The following MAPKAPK2 variants were observed in gnomAD, a reference collection of about 807,000 sequenced individuals.
The protein encoded by MAPKAPK2 is MAPK activated protein kinase 2.
MAPKAPK2 carries 9 observed loss-of-function variants against 48.8 expected under a neutral mutation model. The ratio of observed to expected loss-of-function variants is 0.18; its 90% CI spans 0.11 to 0.32. MAPKAPK2 has a LOEUF of 0.32. Ranked by LOEUF, MAPKAPK2 falls within the 10% of genes least tolerant of loss-of-function variation. MAPKAPK2 has a pLI of 1.00. For missense variants in MAPKAPK2, 331 were observed against 498.3 expected, an observed-to-expected ratio of 0.66 and a Z score of 3.20; for synonymous variants, 202 against 190.6, an observed-to-expected ratio of 1.06 and a Z score of -0.49.
intron 1 of MAPKAPK2, among the ~76,000 whole-genome samples, chr1:206,700,053 T>G (rs1378602498): frequency 6.6e-6 from 1 of 150,446 alleles, no homozygotes; most frequent in African/African-American, 2.4e-5. Context: ...AAAACCATCT[T>G]CCAGAAAATG....
At chr1:206,720,954 T>C (rs562376774) in intron 1 of MAPKAPK2, among the ~76,000 whole-genome samples, 1 of 152,310 alleles carries the variant, frequency 6.6e-6, no homozygotes, top group East Asian at 1.9e-4. Context: ...TAAACTCACT[T>C]TTACATAAAA....
At chr1:206,690,474 G>C (rs2102373324) in intron 1 of MAPKAPK2, among the ~76,000 whole-genome samples, 1 of 152,384 alleles carries the variant, frequency 6.6e-6, no homozygotes, top group African/African-American at 2.4e-5. Context: ...CCAAATATTG[G>C]TGGGTGTCTA....
intron 1 of MAPKAPK2, among the ~76,000 whole-genome samples, chr1:206,703,121 T>C (rs1452086192): frequency 1.3e-5 from 2 of 152,194 alleles, no homozygotes; most frequent in Admixed American, 6.5e-5. Context: ...TTTTCCTGCA[T>C]TGGCATTCTT....
Position 206,731,952 on chromosome 1 carries a change from G to A in MAPKAPK2, c.1059+33G>A, listed in dbSNP as rs782225811. ...GCACCACTGGGTGAGAGGGGCTCCAGGTGGGGTGGGCGGCTTGCGGGGAGT... is the reference window on the plus strand; with the variant it reads ...GCACCACTGGGTGAGAGGGGCTCCAAGTGGGGTGGGCGGCTTGCGGGGAGT... On this transcript the variant is annotated intron_variant, in intron 9 of 9. Transcript: ENST00000367103. The surrounding 1 kb of genome is among the most constrained non-coding windows in gnomAD (Gnocchi z 5.9). 3 of 1,614,156 alleles carry A rather than the reference G, an allele frequency of 1.9e-6. No individual in the cohort carries two copies. Among genetic ancestry groups the A allele is most frequent in the South Asian group, 2.2e-5 (2 of 91,090 alleles).
At chr1:206,690,949 G>A (rs1321407941) in intron 1 of MAPKAPK2, among the ~76,000 whole-genome samples, 3 of 152,218 alleles carry the variant, frequency 2.0e-5, no homozygotes, top group Non-Finnish European at 4.4e-5. Context: ...TCCCTGCACT[G>A]TATCTTTCCA....
intron 1 of MAPKAPK2, among the ~76,000 whole-genome samples, chr1:206,705,021 G>GT (rs1672909193): frequency 6.6e-6 from 1 of 152,150 alleles, no homozygotes; most frequent in African/African-American, 2.4e-5. Flanking sequence ...GTTTAACTTT[G>GT]TTTAACCTGG....
At chr1:206,707,056 G>A (rs1449628135) in intron 1 of MAPKAPK2, among the ~76,000 whole-genome samples, 20 of 152,146 alleles carry the variant, frequency 1.3e-4, no homozygotes, top group African/African-American at 2.7e-4. Flanking sequence ...CTGCAGCCGC[G>A]CTCTTCTCTC....
chr1:206,685,551 G>A, intron 1 of MAPKAPK2, 43 bp downstream of exon 1: 1 of 1,419,450 alleles, frequency 7.0e-7, no homozygotes, highest in Non-Finnish European at 9.3e-7. Context: ...CCGGTCCCGG[G>A]CCCTGGAGCT....
At position 206,730,670 on chromosome 1, in the gene MAPKAPK2, T is replaced by C; in HGVS notation, c.692-18T>C. ...GGTTCTGAGGGCCGGCCCACCCATGTTGACCTTTGATTTGCAGCTCCAGAA... is the reference window on the plus strand; with the variant it reads ...GGTTCTGAGGGCCGGCCCACCCATGCTGACCTTTGATTTGCAGCTCCAGAA... On this transcript the variant is annotated intron_variant, in intron 5 of 9. Transcript: ENST00000367103. 1 of 1,612,512 alleles carries C rather than the reference T, an allele frequency of 6.2e-7. No individual in the cohort carries two copies. Among genetic ancestry groups the C allele is most frequent in the East Asian group, 2.2e-5 (1 of 44,858 alleles).
chr1:206,720,009 G>A (rs1553431008), intron 1 of MAPKAPK2, among the ~76,000 whole-genome samples: 1 of 152,162 alleles, frequency 6.6e-6, no homozygotes, highest in East Asian at 1.9e-4. Flanking sequence ...ACCAGTGTGT[G>A]GCACATGCTA....
chr1:206,717,364 A>G (rs1394601317), intron 1 of MAPKAPK2, among the ~76,000 whole-genome samples: 3 of 152,216 alleles, frequency 2.0e-5, no homozygotes, highest in East Asian at 1.9e-4. Flanking sequence ...TGCGGTTGAA[A>G]TGAAAATTCC....
chr1:206,699,357 C>T (rs1672728895), intron 1 of MAPKAPK2, among the ~76,000 whole-genome samples: 1 of 152,142 alleles, frequency 6.6e-6, no homozygotes, highest in South Asian at 2.1e-4. Context: ...GGATCACTGC[C>T]TGGCATGGGC....
intron 1 of MAPKAPK2, among the ~76,000 whole-genome samples, chr1:206,692,671 G>A (rs542345317): frequency 1.3e-5 from 2 of 152,342 alleles, no homozygotes; most frequent in South Asian, 4.1e-4. Flanking sequence ...CCCAAGGTCA[G>A]CCCATATTTG....
At chr1:206,730,174 G>A in intron 5 of MAPKAPK2, 76 bp downstream of exon 5, 1 of 1,572,916 alleles carries the variant, frequency 6.4e-7, no homozygotes, top group Admixed American at 1.7e-5. Flanking sequence ...CTATCTGGGG[G>A]GCCGCAAATC....
chr1:206,720,491 G>A (rs782715467), intron 1 of MAPKAPK2, among the ~76,000 whole-genome samples: 1 of 152,224 alleles, frequency 6.6e-6, no homozygotes, highest in South Asian at 2.1e-4. Flanking sequence ...AGCTGGGATT[G>A]CTTACAGGTG....
intron 1 of MAPKAPK2, among the ~76,000 whole-genome samples, chr1:206,707,502 A>C (rs1037918044): frequency 6.6e-6 from 1 of 152,138 alleles, no homozygotes; most frequent in African/African-American, 2.4e-5. Flanking sequence ...GAAATTGGGG[A>C]GGATTCTCTG....
chr1:206,712,491 TTTTTTGTTG>T (rs1274616203), intron 1 of MAPKAPK2, among the ~76,000 whole-genome samples: 1 of 151,808 alleles, frequency 6.6e-6, no homozygotes, highest in African/African-American at 2.4e-5. Context: ...GAAGATGGGT[TTTTTTGTTG>T]TTGTTGTTGT....
chr1:206,691,504 T>TATATACAC (rs1424297313), intron 1 of MAPKAPK2, among the ~76,000 whole-genome samples: 5 of 112,164 alleles, frequency 4.5e-5, no homozygotes, highest in Non-Finnish European at 9.9e-5. Flanking sequence ...TATATATATA[T>TATATACAC]ACACACATAC....
At chr1:206,730,830 A>G (rs570585561) in intron 6 of MAPKAPK2, 67 bp downstream of exon 6, 1 of 1,516,796 alleles carries the variant, frequency 6.6e-7, no homozygotes, top group East Asian at 2.3e-5. Context: ...CTCCAGGACA[A>G]GAGGAAGAGG....
Sources: gnomAD v4.1 joint callset for allele counts (sites outside exome capture counted in the v4.1 genomes callset) on GRCh38, gnomAD v4.1.1 for gene constraint, Gnocchi (gnomAD v3.1) non-coding constraint, MANE v1.5 for transcripts, NCBI Gene and HGNC (gene_info 2026-07-23, HGNC 2026-07-21) for gene names.